PLCB1: variants seen among roughly 807,000 people sequenced by gnomAD.
PLCB1 encodes the protein 1-phosphatidylinositol 4,5-bisphosphate phosphodiesterase beta-1.
In PLCB1, 46 loss-of-function variants were observed where a neutral mutation model predicts 161.8. The observed-to-expected ratio is 0.28, with a 90% confidence interval of 0.22 to 0.36. The LOEUF (loss-of-function observed/expected upper bound fraction) is 0.36, where lower values mean the gene tolerates loss of function less well. PLCB1 is among the 10% of genes least tolerant of loss of function. The pLI, the probability that PLCB1 is intolerant of heterozygous loss-of-function variation, is 1.00. For missense variants in PLCB1, 1,016 were observed against 1,472.5 expected, an observed-to-expected ratio of 0.69 and a Z score of 5.07; for synonymous variants, 517 against 503.7, an observed-to-expected ratio of 1.03 and a Z score of -0.35.
intron 3 of PLCB1, among the ~76,000 whole-genome samples, chr20:8,579,112 C>T (rs1328840495): frequency 6.6e-6 from 1 of 152,230 alleles, no homozygotes; most frequent in African/African-American, 2.4e-5. Flanking sequence ...ATTACTACCT[C>T]CCTGGATCCA....
chr20:8,404,980 T>C (rs1192718019), intron 3 of PLCB1, among the ~76,000 whole-genome samples: 1 of 152,210 alleles, frequency 6.6e-6, no homozygotes, highest in Non-Finnish European at 1.5e-5. Context: ...CCTCTGATAT[T>C]TTCAGGAGTC....
At position 8,538,256 on chromosome 20, in the gene PLCB1, T is replaced by TA. The variant is rs1460807036; in HGVS notation, c.247-90032dup. 2.0e-5 allele frequency among the ~76,000 whole-genome samples: 3 copies of TA among 152,338 alleles called. No homozygotes were observed. The East Asian group carries it at 5.8e-4, about 29-fold the overall frequency. On this transcript the variant is annotated intron_variant, in intron 3 of 31. Transcript: ENST00000338037. Reference sequence around the variant, plus strand: ...AATATCAACAAAAAAGGACATTATGTAAAAAATTCACTTATTAGAAGCATG... The same window carrying TA: ...AATATCAACAAAAAAGGACATTATGTAAAAAAATTCACTTATTAGAAGCATG...
rs142370138 is a variant in PLCB1, at chr20:8,747,468, T to C, written c.2523+5895T>C. On this transcript the variant is annotated intron_variant, in intron 23 of 31. Coordinates refer to ENST00000338037, the MANE Select transcript of PLCB1 (RefSeq NM_015192.4). The stretch of plus-strand genomic sequence containing the variant: ...GTCTGTTTCATCCTGCAAGTGGAAG[T>C]GTGTGAGTGGTCTTCGTGTAATATT... Among the ~76,000 whole-genome samples, 336 of 152,288 alleles carry C rather than the reference T, an allele frequency of 2.2e-3. 1 individual carries two copies. Among genetic ancestry groups the C allele is most frequent in the African/African-American group, 7.7e-3 (318 of 41,560 alleles).
intron 3 of PLCB1, among the ~76,000 whole-genome samples, chr20:8,573,245 G>C (rs931659302): frequency 6.6e-6 from 1 of 152,150 alleles, no homozygotes; most frequent in Non-Finnish European, 1.5e-5. Flanking sequence ...GGTCATTGGT[G>C]ACCTTGGTGA....
chr20:8,788,956 G>A (rs1332832046), intron 29 of PLCB1, among the ~76,000 whole-genome samples: 1 of 152,174 alleles, frequency 6.6e-6, no homozygotes, highest in Non-Finnish European at 1.5e-5. Flanking sequence ...TAAGCAAAGA[G>A]CTTCCCTCAG....
chr20:8,376,484 A>G (rs752063381), intron 3 of PLCB1, among the ~76,000 whole-genome samples: 1 of 152,170 alleles, frequency 6.6e-6, no homozygotes, highest in African/African-American at 2.4e-5. Flanking sequence ...TTGATATTCA[A>G]TGACAGAAGT....
At chr20:8,634,813 C>T (rs1210847567) in intron 4 of PLCB1, among the ~76,000 whole-genome samples, 1 of 152,198 alleles carries the variant, frequency 6.6e-6, no homozygotes, top group Non-Finnish European at 1.5e-5. Context: ...AACATAGTCC[C>T]TACCCTCAGG....
intron 3 of PLCB1, among the ~76,000 whole-genome samples, chr20:8,410,064 C>T (rs1287790807): frequency 6.6e-6 from 1 of 152,022 alleles, no homozygotes; most frequent in Non-Finnish European, 1.5e-5. Flanking sequence ...ACTGTGTATG[C>T]TTTTTTTCTC....
chr20:8,817,430 G>C (rs967649037), intron 31 of PLCB1, among the ~76,000 whole-genome samples: 17 of 152,050 alleles, frequency 1.1e-4, no homozygotes, highest in African/African-American at 3.9e-4. Context: ...GTCCTCACTG[G>C]GGGGTTTGAA....
At chr20:8,723,715 TTAAG>T (rs1276070616) in intron 15 of PLCB1, among the ~76,000 whole-genome samples, 5 of 152,072 alleles carry the variant, frequency 3.3e-5, no homozygotes, top group Non-Finnish European at 7.4e-5. Context: ...CACAGAGCAA[TTAAG>T]TAAGTTGCCC....
chr20:8,165,197 T>A (rs1055288306), intron 2 of PLCB1, among the ~76,000 whole-genome samples: 2 of 152,192 alleles, frequency 1.3e-5, no homozygotes, highest in Non-Finnish European at 2.9e-5. Flanking sequence ...ATGGGGAAAA[T>A]TGAAAACTGT....
At chr20:8,563,868 A>G (rs929470183) in intron 3 of PLCB1, among the ~76,000 whole-genome samples, 4 of 152,192 alleles carry the variant, frequency 2.6e-5, no homozygotes, top group Admixed American at 6.5e-5. Flanking sequence ...ATGGAAAAAC[A>G]TCCCATGCTC....
At chr20:8,814,521 T>TATCC (rs1302323984) in intron 31 of PLCB1, among the ~76,000 whole-genome samples, 1 of 151,124 alleles carries the variant, frequency 6.6e-6, no homozygotes, top group Admixed American at 6.6e-5. Context: ...TCCATCCATT[T>TATCC]ATCCATCCAT....
chr20:8,765,348 A>G lies in PLCB1; in HGVS notation c.2920A>G (p.Ser974Gly). 6.2e-7 allele frequency: 1 copy of G among 1,603,108 alleles called. No homozygotes were observed. The highest frequency in any genetic ancestry group is 8.5e-7 in the Non-Finnish European group (1 of 1,174,540). Residue 974 changes from serine (S) to glycine (G), a missense_variant, in exon 26 of 32, where the codon AGT (serine) becomes GGT (glycine). Around this residue, in one of 10 missense-constraint regions of PLCB1, gnomAD observed 398 missense variants for 445.4 expected, o/e 0.89. Transcript: ENST00000338037. ...TTTGGAAAAGTCCGCCAAAAAGGACAGTAAGAAAAAGTAAGTTCAATGAAT... is the reference window on the plus strand; with the variant it reads ...TTTGGAAAAGTCCGCCAAAAAGGACGGTAAGAAAAAGTAAGTTCAATGAAT... ...AALEKSAKKD[S>G]KKKSEPSSPD...
At chr20:8,455,527 G>A (rs1981275746) in intron 3 of PLCB1, among the ~76,000 whole-genome samples, 1 of 128,366 alleles carries the variant, frequency 7.8e-6, no homozygotes, top group Non-Finnish European at 1.6e-5. Context: ...TGCAAGCTCC[G>A]CCTCCTGGGT....
intron 2 of PLCB1, among the ~76,000 whole-genome samples, chr20:8,360,717 A>G (rs796467622): frequency 5.3e-5 from 8 of 152,348 alleles, no homozygotes; most frequent in African/African-American, 1.9e-4. Context: ...GTCTTGCCAG[A>G]AAGCCAAAAG....
At position 8,519,347 on chromosome 20, in the gene PLCB1, A is replaced by G. The variant is rs559605889; in HGVS notation, c.247-108947A>G. Among the ~76,000 whole-genome samples the G allele has an allele frequency of 3.9e-5, 6 of 152,272 alleles. No individual in the cohort carries two copies. The South Asian group carries it at 6.2e-4, about 16-fold the overall frequency. On this transcript the variant is annotated intron_variant, in intron 3 of 31. Transcript: ENST00000338037. ...GGGAGACATTTATGGGAGGAAAGAT[A>G]AGGAAAAACTTCTCCGATGAAGGGA...
In PLCB1 at chr20:8,571,481, CA is replaced by C. The variant is rs909994206; in HGVS notation, c.247-56804del. Reference sequence around the variant, plus strand: ...GGGGTGACCAAGTGATACTCCGTCTCAAAAAAAAATAATAAATAAAAAATAA... The same window carrying C: ...GGGGTGACCAAGTGATACTCCGTCTCAAAAAAAATAATAAATAAAAAATAA... On this transcript the variant is annotated intron_variant, in intron 3 of 31. Coordinates refer to ENST00000338037, the MANE Select transcript of PLCB1 (RefSeq NM_015192.4). 2.7e-5 allele frequency among the ~76,000 whole-genome samples: 4 copies of C among 149,950 alleles called. No homozygotes were observed. The South Asian group carries it at 6.3e-4, about 24-fold the overall frequency.
intron 2 of PLCB1, among the ~76,000 whole-genome samples, chr20:8,164,934 T>C (rs939335415): frequency 6.6e-6 from 1 of 152,242 alleles, no homozygotes; most frequent in African/African-American, 2.4e-5. Flanking sequence ...AATTACTGAC[T>C]GACACATTGG....
Sources: allele counts gnomAD v4.1 joint callset (sites outside exome capture counted in the v4.1 genomes callset), GRCh38; gene constraint gnomAD v4.1.1; regional missense constraint gnomAD v4.1.1; transcripts MANE v1.5; gene names NCBI Gene and HGNC (gene_info 2026-07-23, HGNC 2026-07-21).